Variants in HPSE2 observed in about 807,000 individuals in gnomAD.
HPSE2 encodes heparanase 2 (inactive).
Under a neutral mutation model 60.5 loss-of-function variants are expected in HPSE2, and 38 were observed. The observed-to-expected ratio is 0.63, with a 90% CI of 0.48 to 0.82. The LOEUF (loss-of-function observed/expected upper bound fraction) is 0.82. Among genes scored for constraint, HPSE2 ranks in the 40% least tolerant of loss-of-function variants. The pLI is 0.00. For synonymous variants in HPSE2, 295 were observed against 293.2 expected (o/e 1.01, Z -0.06); for missense variants, 713 against 740.4 (o/e 0.96, Z 0.43).
chr10:99,255,775 T>C, the HPSE2 span, among the ~76,000 whole-genome samples: 1 of 152,190 alleles, frequency 6.6e-6, no homozygotes, highest in Admixed American at 6.6e-5. Flanking sequence ...CTGCTATGGT[T>C]TGAACATGCC....
At chr10:99,224,918 T>G (rs2133937270) in intron 2 of HPSE2, among the ~76,000 whole-genome samples, 1 of 152,206 alleles carries the variant, frequency 6.6e-6, no homozygotes, top group Admixed American at 6.5e-5. Flanking sequence ...CCAGTATTTC[T>G]TGGTCTCTAC....
intron 3 of HPSE2, among the ~76,000 whole-genome samples, chr10:98,969,338 T>A (rs1467645180): frequency 6.6e-6 from 1 of 152,180 alleles, no homozygotes; most frequent in South Asian, 2.1e-4. Context: ...TCTTTCCTTT[T>A]TCTACCTGCC....
chr10:98,518,122 TAC>T (rs1421309750), intron 9 of HPSE2, among the ~76,000 whole-genome samples: 1 of 152,184 alleles, frequency 6.6e-6, no homozygotes, highest in Non-Finnish European at 1.5e-5. Flanking sequence ...GAATGTGACT[TAC>T]AGTTTTTGCC....
chr10:98,831,209 G>T (rs1397414921), intron 3 of HPSE2, among the ~76,000 whole-genome samples: 2 of 152,100 alleles, frequency 1.3e-5, no homozygotes, highest in Admixed American at 1.3e-4. Flanking sequence ...GTAAGCTGAG[G>T]GAAGACCAGT....
At chr10:98,873,987 GT>G (rs1157037394) in intron 3 of HPSE2, among the ~76,000 whole-genome samples, 1 of 151,944 alleles carries the variant, frequency 6.6e-6, no homozygotes, top group Non-Finnish European at 1.5e-5. Context: ...TTTTTCATAT[GT>G]TTTTTGGCCA....
chr10:98,602,695 G>A (rs669555), intron 9 of HPSE2, among the ~76,000 whole-genome samples: 138,892 of 152,136 alleles, frequency 0.91, 64,367 homozygotes, highest in East Asian at 1. Context: ...GTGCCAAGAT[G>A]ATTAAATGGG....
At chr10:98,945,220 C>T (rs377510531) in intron 3 of HPSE2, among the ~76,000 whole-genome samples, 1 of 152,256 alleles carries the variant, frequency 6.6e-6, no homozygotes, top group African/African-American at 2.4e-5. Context: ...GAACCTAAGT[C>T]GGCTCTTACT....
At chr10:98,596,807 T>C (rs1412817973) in intron 9 of HPSE2, among the ~76,000 whole-genome samples, 1 of 152,200 alleles carries the variant, frequency 6.6e-6, no homozygotes, top group Non-Finnish European at 1.5e-5. Context: ...TTTTTGACAA[T>C]TTAATTATAA....
chr10:98,868,078 AAAATAAATAAAT>A (rs34543812), intron 3 of HPSE2, among the ~76,000 whole-genome samples: 2,119 of 140,252 alleles, frequency 0.015, 31 homozygotes, highest in African/African-American at 0.04. Flanking sequence ...AGAAAGAAAG[AAAATAAATAAAT>A]AAATAAATAA....
At chr10:98,711,208 T>C (rs1287601311) in intron 5 of HPSE2, among the ~76,000 whole-genome samples, 1 of 151,958 alleles carries the variant, frequency 6.6e-6, no homozygotes, top group African/African-American at 2.4e-5. Context: ...TGTAAAGACT[T>C]GGATTCAAGC....
intron 7 of HPSE2, among the ~76,000 whole-genome samples, chr10:98,638,802 C>G (rs1369511327): frequency 6.6e-6 from 1 of 152,148 alleles, no homozygotes; most frequent in African/African-American, 2.4e-5. Context: ...CTCAGGGAAT[C>G]TGTTATCCAG....
chr10:98,900,227 C>A (rs1191719011), intron 3 of HPSE2, among the ~76,000 whole-genome samples: 1 of 152,042 alleles, frequency 6.6e-6, no homozygotes, highest in Non-Finnish European at 1.5e-5. Context: ...GTGGTATAGC[C>A]ATACAATGGA....
intron 2 of HPSE2, among the ~76,000 whole-genome samples, chr10:99,193,936 A>T (rs1848307249): frequency 6.6e-6 from 1 of 152,104 alleles, no homozygotes; most frequent in South Asian, 2.1e-4. Flanking sequence ...TAGAGACCCA[A>T]TGGATCTAAT....
At chr10:99,023,162 T>C (rs1257907612) in intron 3 of HPSE2, among the ~76,000 whole-genome samples, 2 of 152,054 alleles carry the variant, frequency 1.3e-5, no homozygotes, top group African/African-American at 4.8e-5. Flanking sequence ...CACCACATAC[T>C]GACTTAAGAG....
At chr10:98,804,058 C>T (rs1267091566) in intron 3 of HPSE2, among the ~76,000 whole-genome samples, 1 of 151,874 alleles carries the variant, frequency 6.6e-6, no homozygotes, top group African/African-American at 2.4e-5. Context: ...AGTTGGATTC[C>T]TAGGTATTTT....
intron 5 of HPSE2, among the ~76,000 whole-genome samples, chr10:98,712,889 C>A (rs777682609): frequency 5.3e-5 from 8 of 152,164 alleles, no homozygotes; most frequent in Admixed American, 5.2e-4. Context: ...AGGCTTGTTG[C>A]TAGCACTGCA....
chr10:99,215,492 T>C (rs924855612), intron 2 of HPSE2, among the ~76,000 whole-genome samples: 7 of 152,072 alleles, frequency 4.6e-5, no homozygotes, highest in African/African-American at 1.7e-4. Flanking sequence ...AGGGAGAGCA[T>C]CAGGACAAAT....
At chr10:98,596,259 A>G (rs1344146955) in intron 9 of HPSE2, among the ~76,000 whole-genome samples, 1 of 152,166 alleles carries the variant, frequency 6.6e-6, no homozygotes, top group Non-Finnish European at 1.5e-5. Flanking sequence ...CACATTTTAT[A>G]ATTTTGATAC....
At chr10:99,040,536 A>G (rs969625443) in intron 3 of HPSE2, among the ~76,000 whole-genome samples, 1 of 152,064 alleles carries the variant, frequency 6.6e-6, no homozygotes. Flanking sequence ...TTAACTTTAC[A>G]TATCATTTTA....
Sources: allele counts gnomAD v4.1 joint callset (sites outside exome capture counted in the v4.1 genomes callset), GRCh38; gene constraint gnomAD v4.1.1; transcripts MANE v1.5; gene names NCBI Gene and HGNC (gene_info 2026-07-23, HGNC 2026-07-21).